The following TNS3 variants were observed in gnomAD, a reference collection of about 807,000 sequenced individuals.
TNS3 encodes tensin 3, also known as tensin-3.
In TNS3, 45 loss-of-function variants were observed where a neutral mutation model predicts 140.9. The ratio of observed to expected loss-of-function variants is 0.32; its 90% CI spans 0.25 to 0.41. The LOEUF is 0.41. TNS3 is among the 10% of genes least tolerant of loss of function. The probability of loss-of-function intolerance (pLI) is 1.00; values close to 1 mark genes in which losing one functional copy is unlikely to be tolerated. For synonymous variants in TNS3, 815 were observed against 788.4 expected (o/e 1.03, Z -0.56); for missense variants, 1,716 against 1,906.7 (o/e 0.90, Z 1.86).
chr7:47,572,753 G>A lies in TNS3; in HGVS notation c.-265+9298C>T, dbSNP rs1176842751. ...TAGCGGGGCGTGGTGGCACACGTCT[G>A]TAGTCCCAGCTATGGAGGCTGAGGC... On this transcript the variant is annotated intron_variant, in intron 1 of 30. Coordinates refer to ENST00000311160, the MANE Select transcript of TNS3 (RefSeq NM_022748.12). 3.3e-5 allele frequency among the ~76,000 whole-genome samples: 5 copies of A among 152,068 alleles called. No individual in the cohort carries two copies. In the East Asian group the frequency reaches 9.7e-4, roughly 29 times the overall value.
Position 47,332,443 on chromosome 7 carries a change from G to A in TNS3, c.2650+12312C>T, listed in dbSNP as rs554339340. Among the ~76,000 whole-genome samples the A allele has an allele frequency of 2.1e-4, 32 of 152,280 alleles. 1 individual carries two copies. The South Asian group carries it at 2.3e-3, about 11-fold the overall frequency. ...ACTGCCTTTTCCTGTTCAAAGCAGCGAGGAGGAGACAAGCCCAGGCTCAGG... is the reference window on the plus strand; with the variant it reads ...ACTGCCTTTTCCTGTTCAAAGCAGCAAGGAGGAGACAAGCCCAGGCTCAGG... On this transcript the variant is annotated intron_variant, in intron 20 of 30. Transcript: ENST00000311160.
Position 47,389,065 on chromosome 7 carries a change from A to AGTG in TNS3, c.1024+7734_1024+7735insCAC, listed in dbSNP as rs1562674973. 7.6e-4 allele frequency among the ~76,000 whole-genome samples: 34 copies of AGTG among 44,870 alleles called. 6 individuals carry two copies. Among genetic ancestry groups the AGTG allele is most frequent in the African/African-American group, 2.9e-3 (33 of 11,388 alleles). The allele number at this position is 44,870 out of a possible 152,430, so 29.4% of individuals were successfully genotyped here. On this transcript the variant is annotated intron_variant, in intron 16 of 30. Transcript: ENST00000311160. ...AAGAAGAAGAAGAAGAAGAAGAAGA[A>AGTG]GAAGAAGAAGAAGAAGAAGAGGAAG...
chr7:47,325,107 C>T (rs972789987), intron 20 of TNS3, among the ~76,000 whole-genome samples: 3 of 152,166 alleles, frequency 2.0e-5, no homozygotes, highest in Non-Finnish European at 4.4e-5. Flanking sequence ...CTCCCATCAA[C>T]AGATGCACAA....
chr7:47,319,378 C>CGA (rs141689314), intron 20 of TNS3, among the ~76,000 whole-genome samples: 3 of 149,426 alleles, frequency 2.0e-5, no homozygotes, highest in Admixed American at 6.7e-5. Flanking sequence ...GAGAGGAAGG[C>CGA]GAGAGAGAGA....
intron 20 of TNS3, among the ~76,000 whole-genome samples, chr7:47,335,749 C>A (rs1788596613): frequency 6.6e-6 from 1 of 152,164 alleles, no homozygotes; most frequent in Non-Finnish European, 1.5e-5. Flanking sequence ...GGGCCAGGAG[C>A]CAGAGCTACA....
At chr7:47,288,812 T>G (rs1161626656) in intron 27 of TNS3, among the ~76,000 whole-genome samples, 1 of 152,188 alleles carries the variant, frequency 6.6e-6, no homozygotes, top group Non-Finnish European at 1.5e-5. Context: ...TTTAATCTTT[T>G]CAACTGCTAT....
At chr7:47,541,569 T>C (rs1234118767) in intron 1 of TNS3, among the ~76,000 whole-genome samples, 1 of 152,124 alleles carries the variant, frequency 6.6e-6, no homozygotes, top group Non-Finnish European at 1.5e-5. Flanking sequence ...TGTAAACAAC[T>C]TGGAGATCAA....
intron 1 of TNS3, among the ~76,000 whole-genome samples, chr7:47,534,604 G>A (rs1366839972): frequency 3.9e-5 from 6 of 152,114 alleles, no homozygotes; most frequent in Non-Finnish European, 1.5e-5. Flanking sequence ...TCCATCCCGT[G>A]ATTCTAATTT....
intron 16 of TNS3, among the ~76,000 whole-genome samples, chr7:47,388,678 A>T (rs1162479275): frequency 6.6e-6 from 1 of 152,070 alleles, no homozygotes; most frequent in East Asian, 1.9e-4. Context: ...TAGCCTGGCC[A>T]ACATAGTGAA....
chr7:47,303,115 G>A lies in TNS3; in HGVS notation c.3292C>T (p.Leu1098Phe), dbSNP rs188962919. The change falls in exon 22 of 31, where the codon CTC becomes TTC. Residue 1098 changes from leucine to phenylalanine, a missense_variant. Leu to Phe is a conservative substitution (Grantham distance 22). Transcript: ENST00000311160. ...QGVTLPGQPPLPEKKRASEGD... is the reference protein window; with the variant it reads ...QGVTLPGQPPFPEKKRASEGD... ...TCCGAGGCCCGCTTCTTCTCAGGGA[G>A]GGGTGGCTGCCCGGGCAGGGTCACA... is the stretch of plus-strand genomic sequence containing the variant. 1 of 1,613,932 alleles carries A rather than the reference G, an allele frequency of 6.2e-7. No individual in the cohort carries two copies. Among genetic ancestry groups the A allele is most frequent in the Non-Finnish European group, 8.5e-7 (1 of 1,179,970 alleles).
At chr7:47,411,703 T>A (rs746412872) in intron 13 of TNS3, 24 bp downstream of exon 13, 1 of 1,601,846 alleles carries the variant, frequency 6.2e-7, no homozygotes, top group African/African-American at 1.3e-5. Flanking sequence ...CACCAACCCA[T>A]CTGCGGCCAC....
At chr7:47,485,241 C>G (rs1339080014) in intron 3 of TNS3, among the ~76,000 whole-genome samples, 4 of 152,252 alleles carry the variant, frequency 2.6e-5, no homozygotes, top group Non-Finnish European at 5.9e-5. Flanking sequence ...TGTGTCAAGG[C>G]ACACTCCTGG....
At chr7:47,295,423 G>A (rs749539589) in intron 24 of TNS3, among the ~76,000 whole-genome samples, 8 of 152,072 alleles carry the variant, frequency 5.3e-5, no homozygotes, top group Non-Finnish European at 8.8e-5. Flanking sequence ...TTGGTCCTGC[G>A]ACCCTCTTTC....
intron 27 of TNS3, among the ~76,000 whole-genome samples, chr7:47,285,226 T>G (rs6942872): frequency 0.71 from 108,727 of 152,100 alleles, 39,046 homozygotes; most frequent in Middle Eastern, 0.81. Context: ...AAAGGCCATA[T>G]TGTTTATAGC....
chr7:47,382,438 A>G (rs1192285739), intron 16 of TNS3, among the ~76,000 whole-genome samples: 2 of 152,212 alleles, frequency 1.3e-5, no homozygotes, highest in Non-Finnish European at 2.9e-5. Flanking sequence ...TTCCCTGCTA[A>G]TGGGTCTTGA....
chr7:47,306,357 T>G (rs1309138514), intron 20 of TNS3, among the ~76,000 whole-genome samples: 1 of 152,174 alleles, frequency 6.6e-6, no homozygotes, highest in African/African-American at 2.4e-5. Context: ...AAAATTGATC[T>G]CTACAGAATT....
chr7:47,533,851 G>C (rs911233930), intron 1 of TNS3, among the ~76,000 whole-genome samples: 1 of 152,050 alleles, frequency 6.6e-6, no homozygotes, highest in Non-Finnish European at 1.5e-5. Flanking sequence ...TTCACCTTTC[G>C]AAATGATTGT....
chr7:47,575,822 CAAAAAAAAAAAA>C (rs10553927), intron 1 of TNS3, among the ~76,000 whole-genome samples: 3 of 68,320 alleles, frequency 4.4e-5, no homozygotes, highest in Admixed American at 1.9e-4. Context: ...GACTCTGCCT[CAAAAAAAAAAAA>C]AAAAAAAAAA....
intron 23 of TNS3, among the ~76,000 whole-genome samples, chr7:47,298,197 C>T (rs1489330390): frequency 1.3e-5 from 2 of 152,214 alleles, no homozygotes; most frequent in Non-Finnish European, 2.9e-5. Context: ...AAAAACCTGG[C>T]CTGCAGGTGG....
Sources: gnomAD v4.1 joint callset for allele counts (sites outside exome capture counted in the v4.1 genomes callset) on GRCh38, gnomAD v4.1.1 for gene constraint, MANE v1.5 for transcripts, NCBI Gene and HGNC (gene_info 2026-07-23, HGNC 2026-07-21) for gene names.